Variants in PRKCB observed in about 807,000 individuals in gnomAD.
PRKCB encodes the protein protein kinase C beta type.
PRKCB carries 13 observed loss-of-function variants against 81.5 expected under a neutral mutation model. The ratio of observed to expected loss-of-function variants is 0.16; its 90% CI spans 0.10 to 0.25. The LOEUF (loss-of-function observed/expected upper bound fraction) is 0.25. Among genes scored for constraint, PRKCB ranks in the 10% least tolerant of loss-of-function variants. The probability of loss-of-function intolerance (pLI) is 1.00; values close to 1 mark genes in which losing one functional copy is unlikely to be tolerated. For synonymous variants in PRKCB, 335 were observed against 321.4 expected (o/e 1.04, Z -0.45); for missense variants, 509 against 875.7 (o/e 0.58, Z 5.29).
At chr16:24,189,125 C>A (rs186422798) in intron 15 of PRKCB, among the ~76,000 whole-genome samples, 1 of 152,154 alleles carries the variant, frequency 6.6e-6, no homozygotes, top group Non-Finnish European at 1.5e-5. Context: ...GAGAAAACCA[C>A]GTGTGAAATG....
chr16:24,013,157 C>T (rs879259176), intron 3 of PRKCB, among the ~76,000 whole-genome samples: 8 of 152,170 alleles, frequency 5.3e-5, no homozygotes, highest in Admixed American at 3.3e-4. Context: ...CCTTCCTGAC[C>T]TCCCTGACCA....
intron 2 of PRKCB, among the ~76,000 whole-genome samples, chr16:23,944,808 T>C (rs1419365175): frequency 1.3e-5 from 2 of 152,222 alleles, no homozygotes; most frequent in Non-Finnish European, 2.9e-5. Flanking sequence ...AGGTCAATCT[T>C]CCAAAAGCTG....
intron 5 of PRKCB, 23 bp downstream of exon 5, chr16:24,035,570 T>C: frequency 1.5e-6 from 2 of 1,354,514 alleles, no homozygotes; most frequent in South Asian, 1.1e-5. Flanking sequence ...GGGGCTCCAC[T>C]GGCTCCTGAC....
At position 24,216,644 on chromosome 16, in the gene PRKCB, T is replaced by C. The variant is rs532374362; in HGVS notation, c.*1828T>C. On this transcript the variant is annotated 3_prime_UTR_variant, in exon 17 of 17. Transcript: ENST00000643927. Reference sequence around the variant, plus strand: ...AGGCAAAGTCTCCTGCAGTTCATCCTTCTCTGTCCTCTTCTTGCTTCAGGC... The same window carrying C: ...AGGCAAAGTCTCCTGCAGTTCATCCCTCTCTGTCCTCTTCTTGCTTCAGGC... 2.0e-6 allele frequency: 2 copies of C among 984,700 alleles called. No homozygotes were observed. The highest frequency in any genetic ancestry group is 2.3e-4 in the East Asian group (2 of 8,674). The allele number at this position is 984,700 out of a possible 1,614,324, so 61.0% of individuals were successfully genotyped here.
At chr16:24,032,855 C>T (rs1965566751) in intron 4 of PRKCB, among the ~76,000 whole-genome samples, 1 of 152,174 alleles carries the variant, frequency 6.6e-6, no homozygotes, top group Admixed American at 6.5e-5. Flanking sequence ...CTGTTGACAC[C>T]CAGAGGCATG....
chr16:23,838,919 A>G (rs11074581), intron 2 of PRKCB, among the ~76,000 whole-genome samples: 147,491 of 152,348 alleles, frequency 0.97, 71,431 homozygotes, highest in East Asian at 1. Flanking sequence ...GTGCAAACAA[A>G]TTTGGATTGT....
chr16:24,174,456 C>A, intron 11 of PRKCB, 62 bp from the exon 12 acceptor site: 1 of 1,430,450 alleles, frequency 7.0e-7, no homozygotes, highest in Non-Finnish European at 9.8e-7. Flanking sequence ...GAATTCTGAG[C>A]ATTGCCAAGC....
At chr16:24,130,640 G>A (rs1045820798) in intron 9 of PRKCB, among the ~76,000 whole-genome samples, 1 of 152,110 alleles carries the variant, frequency 6.6e-6, no homozygotes, top group African/African-American at 2.4e-5. Flanking sequence ...AGACAGGCGC[G>A]CCTGGCCACA....
At chr16:24,110,110 GGGGAGAGGGAGAGGGAGA>G (rs1176097019) in intron 7 of PRKCB, among the ~76,000 whole-genome samples, 1 of 112,082 alleles carries the variant, frequency 8.9e-6, no homozygotes, top group Non-Finnish European at 1.7e-5. Context: ...GGGAGACCGT[GGGGAGAGGGAGAGGGAGA>G]GGGAGAGGGA....
chr16:23,918,269 C>T (rs1031703373), intron 2 of PRKCB, among the ~76,000 whole-genome samples: 1 of 152,118 alleles, frequency 6.6e-6, no homozygotes. Flanking sequence ...ATGGTCTGTC[C>T]TTCACAGAGT....
chr16:23,980,757 C>G (rs1189826872), intron 2 of PRKCB, among the ~76,000 whole-genome samples: 1 of 151,574 alleles, frequency 6.6e-6, no homozygotes, highest in Non-Finnish European at 1.5e-5. Flanking sequence ...CTATAGACCC[C>G]AGTAAGAATT....
intron 5 of PRKCB, among the ~76,000 whole-genome samples, chr16:24,086,265 G>T (rs1226233612): frequency 1.3e-5 from 2 of 152,162 alleles, no homozygotes; most frequent in East Asian, 3.8e-4. Flanking sequence ...ACTTGGGAAG[G>T]TATGGCAGGG....
chr16:23,929,049 A>G (rs978871692), intron 2 of PRKCB, among the ~76,000 whole-genome samples: 11 of 152,056 alleles, frequency 7.2e-5, no homozygotes, highest in Non-Finnish European at 1.0e-4. Flanking sequence ...GTTTTGTCAG[A>G]TAAAGCTGGA....
chr16:24,209,365 TCCC>T (rs1968100726), intron 16 of PRKCB, among the ~76,000 whole-genome samples: 1 of 151,974 alleles, frequency 6.6e-6, no homozygotes, highest in Admixed American at 6.6e-5. Flanking sequence ...CGGCAGTCTC[TCCC>T]CGATGCCACG....
chr16:23,933,947 CCAT>C (rs1964020312), intron 2 of PRKCB, among the ~76,000 whole-genome samples: 1 of 129,268 alleles, frequency 7.7e-6, no homozygotes, highest in Admixed American at 8.4e-5. Flanking sequence ...ATCCATCCAT[CCAT>C]CCACCTACCT....
chr16:24,182,375 G>T (rs545546584), intron 13 of PRKCB, among the ~76,000 whole-genome samples: 1 of 151,926 alleles, frequency 6.6e-6, no homozygotes, highest in Admixed American at 6.6e-5. Context: ...TTAAAAATTC[G>T]CCAGGTGCAC....
chr16:24,054,567 T>A (rs1965881835), intron 5 of PRKCB, among the ~76,000 whole-genome samples: 1 of 152,232 alleles, frequency 6.6e-6, no homozygotes. Context: ...TTAGGGATAC[T>A]GGGGAAACCT....
intron 9 of PRKCB, 38 bp from the exon 10 acceptor site, chr16:24,154,646 C>G (rs774978908): frequency 1.9e-6 from 3 of 1,608,682 alleles, no homozygotes; most frequent in Non-Finnish European, 2.6e-6. Flanking sequence ...CCCCCAGACT[C>G]CTTCCAACTG....
chr16:23,942,721 TTA>T (rs1430086529), intron 2 of PRKCB, among the ~76,000 whole-genome samples: 1 of 152,202 alleles, frequency 6.6e-6, no homozygotes, highest in East Asian at 1.9e-4. Context: ...TTGTTAAAAG[TTA>T]GTTACCTTTC....
Sources: gnomAD v4.1 joint callset for allele counts (sites outside exome capture counted in the v4.1 genomes callset) on GRCh38, gnomAD v4.1.1 for gene constraint, MANE v1.5 for transcripts, NCBI Gene and HGNC (gene_info 2026-07-23, HGNC 2026-07-21) for gene names.